Variants in EIF1AY observed in about 807,000 individuals in gnomAD.
EIF1AY encodes the protein eukaryotic translation initiation factor 1A, Y-chromosomal.
For synonymous variants in EIF1AY, 16 were observed against 9.9 expected, an observed-to-expected ratio of 1.62 and a Z score of -1.16; for missense variants, 19 against 30.6, an observed-to-expected ratio of 0.62 and a Z score of 0.89.
chrY:20,576,875 T>G, intron 1 of EIF1AY, among the ~76,000 whole-genome samples: 1 of 34,025 alleles, frequency 2.9e-5, no homozygotes, highest in African/African-American at 1.2e-4. Flanking sequence ...GGCATTACTC[T>G]TTGCTCTCCC....
At chrY:20,579,938 C>G in intron 2 of EIF1AY, among the ~76,000 whole-genome samples, 1 of 32,226 alleles carries the variant, frequency 3.1e-5, no homozygotes, top group African/African-American at 1.2e-4. Flanking sequence ...AATATACGTT[C>G]AGTATTTTGT....
chrY:20,584,211 A>AT (rs2089353067), intron 3 of EIF1AY, among the ~76,000 whole-genome samples: 14 of 27,247 alleles, frequency 5.1e-4, no homozygotes, highest in East Asian at 4.7e-3. Context: ...ACTACACCCA[A>AT]TTTTTTTTTT....
chrY:20,589,946 G>T (rs1320236485), intron 6 of EIF1AY, among the ~76,000 whole-genome samples: 1 of 33,222 alleles, frequency 3.0e-5, no homozygotes, highest in Admixed American at 2.7e-4. Context: ...TTATTTTGTG[G>T]AAATGATTGT....
chrY:20,582,591 G>A lies in EIF1AY; in HGVS notation c.102G>A (p.Glu34=). ...RELVFKEDGQ[E]YAQVIKMLGN... The stretch of plus-strand genomic sequence containing the variant: ...TTTTTTTTTATCTCCTCTCCTCAGA[G>A]TATGCTCAGGTAATCAAAATGTTGG... The change falls in exon 3 of 7, where the codon GAG becomes GAA. Residue 34 remains glutamate, a splice_region_variant and synonymous_variant. Transcript: ENST00000361365. 1 of 389,566 alleles carries A rather than the reference G, an allele frequency of 2.6e-6. No homozygotes were observed. Among genetic ancestry groups the A allele is most frequent in the Non-Finnish European group, 3.6e-6 (1 of 275,702 alleles).
chrY:20,590,113 T>A (rs763236647), intron 6 of EIF1AY, among the ~76,000 whole-genome samples: 15 of 23,652 alleles, frequency 6.3e-4, no homozygotes, highest in South Asian at 2.1e-3. Flanking sequence ...AGAGAGAGAG[T>A]GTGTGTGTGT....
chrY:20,585,341 G>A (rs1569393801), intron 4 of EIF1AY, among the ~76,000 whole-genome samples: 1 of 33,206 alleles, frequency 3.0e-5, no homozygotes, highest in East Asian at 7.8e-4. Flanking sequence ...TAAAGTGAGC[G>A]GTATATAACA....
chrY:20,592,308 T>A, intron 6 of EIF1AY, 33 bp from the exon 7 acceptor site: 2 of 347,974 alleles, frequency 5.7e-6, no homozygotes, highest in Non-Finnish European at 8.1e-6. Context: ...AAGAGTTATT[T>A]TTCTATGGAT....
intron 4 of EIF1AY, 149 bp from the exon 5 acceptor site, chrY:20,587,875 G>T: frequency 7.4e-6 from 1 of 134,961 alleles, no homozygotes; most frequent in Non-Finnish European, 1.4e-5. Flanking sequence ...TTTTCTAGAG[G>T]GTATTGGGGT....
At chrY:20,585,335 G>T (rs1033082398) in intron 4 of EIF1AY, among the ~76,000 whole-genome samples, 1 of 33,558 alleles carries the variant, frequency 3.0e-5, no homozygotes, top group Non-Finnish European at 7.4e-5. Flanking sequence ...ATGCTATAAA[G>T]TGAGCGGTAT....
intron 3 of EIF1AY, 119 bp from the exon 4 acceptor site, chrY:20,584,355 A>C: frequency 3.7e-5 from 4 of 107,928 alleles, no homozygotes; most frequent in Non-Finnish European, 6.9e-5. Context: ...CCCGGCATCT[A>C]ATTAATTTTT....
chrY:20,580,530 T>C (rs2124356803), intron 2 of EIF1AY, among the ~76,000 whole-genome samples: 1 of 33,299 alleles, frequency 3.0e-5, no homozygotes, highest in Non-Finnish European at 7.4e-5. Context: ...CTTTTTTTTC[T>C]TTAAGTGATG....
chrY:20,587,678 C>T, intron 4 of EIF1AY: 1 of 39,391 alleles, frequency 2.5e-5, no homozygotes, highest in South Asian at 4.0e-4. Flanking sequence ...TTTTATATTA[C>T]AATTTTTTTA....
intron 6 of EIF1AY, among the ~76,000 whole-genome samples, chrY:20,589,907 C>G: frequency 6.0e-5 from 2 of 33,483 alleles, no homozygotes; most frequent in South Asian, 1.3e-3. Flanking sequence ...TTGTACTGGC[C>G]AGACTCTTGT....
chrY:20,579,475 G>T, intron 1 of EIF1AY, 133 bp from the exon 2 acceptor site: 2 of 132,446 alleles, frequency 1.5e-5, no homozygotes, highest in South Asian at 1.4e-4. Context: ...GTGTTTAAAT[G>T]ATATATTTTT....
chrY:20,586,486 A>G, intron 4 of EIF1AY, among the ~76,000 whole-genome samples: 1 of 33,662 alleles, frequency 3.0e-5, no homozygotes, highest in Non-Finnish European at 7.4e-5. Context: ...GGTGTTATCA[A>G]AGAACTTCGG....
intron 1 of EIF1AY, among the ~76,000 whole-genome samples, chrY:20,578,922 TTAAAAA>T (rs2089348650): frequency 3.0e-5 from 1 of 33,314 alleles, no homozygotes; most frequent in Non-Finnish European, 7.4e-5. Flanking sequence ...AAGCAAAAAC[TTAAAAA>T]TAGAGTGAAA....
intron 2 of EIF1AY, among the ~76,000 whole-genome samples, chrY:20,581,323 T>G: frequency 3.0e-5 from 1 of 33,017 alleles, no homozygotes; most frequent in Admixed American, 2.8e-4. Flanking sequence ...AACCCCTCAA[T>G]GTAGCTTTTT....
chrY:20,579,464 T>C, intron 1 of EIF1AY, 144 bp from the exon 2 acceptor site: 1 of 123,254 alleles, frequency 8.1e-6, no homozygotes. Context: ...ACATTTATTA[T>C]GTGTTTAAAT....
At chrY:20,589,203 C>A in intron 5 of EIF1AY, 1 of 79,063 alleles carries the variant, frequency 1.3e-5, no homozygotes, top group Non-Finnish European at 2.6e-5. Flanking sequence ...TGCTCTGTCA[C>A]CCAGGCAGGA....
Sources: gnomAD v4.1 joint callset for allele counts (sites outside exome capture counted in the v4.1 genomes callset) on GRCh38, gnomAD v4.1.1 for gene constraint, MANE v1.5 for transcripts, NCBI Gene and HGNC (gene_info 2026-07-23, HGNC 2026-07-21) for gene names.